Variants in UMAD1 observed in about 807,000 individuals in gnomAD.
UMAD1 encodes UBAP1-MVB12-associated (UMA)-domain containing protein 1.
UMAD1 carries 8 observed loss-of-function variants against 6.1 expected under a neutral mutation model. The observed-to-expected ratio is 1.30, with a 90% CI of 0.76 to 2.35. The LOEUF is 2.35. Ranked by LOEUF, UMAD1 falls within the 30% of genes most tolerant of loss-of-function variation. UMAD1 has a pLI of 0.00. For synonymous variants in UMAD1, 56 were observed against 31.4 expected (o/e 1.78, Z -2.61); for missense variants, 130 against 78.4 (o/e 1.66, Z -2.49).
Position 7,676,055 on chromosome 7 carries a change from G to A in UMAD1, c.82+2602G>A, listed in dbSNP as rs1779730253. ...TCATGTCTCAGCTCTTACTTCCTCT[G>A]TCTTCGTTCTCTTTTCATCATTCAT... is the stretch of plus-strand genomic sequence containing the variant. On this transcript the variant is annotated intron_variant, in intron 2 of 3. Coordinates refer to ENST00000682710, the MANE Select transcript of UMAD1 (RefSeq NM_001302348.2). 1.5e-5 allele frequency: 6 copies of A among 398,446 alleles called. 1 individual carries two copies. The South Asian group carries it at 7.7e-4, about 51-fold the overall frequency. The allele number at this position is 398,446 out of a possible 1,614,324, so 24.7% of individuals were successfully genotyped here.
chr7:7,837,688 G>A (rs6969824), intron 3 of UMAD1, among the ~76,000 whole-genome samples: 85,003 of 151,544 alleles, frequency 0.56, 24,956 homozygotes, highest in African/African-American at 0.73. Flanking sequence ...AAAGGGAGAC[G>A]AAGCATAACA....
At chr7:7,648,680 A>G (rs1785151917) in intron 1 of UMAD1, among the ~76,000 whole-genome samples, 1 of 151,434 alleles carries the variant, frequency 6.6e-6, no homozygotes. Flanking sequence ...GTGAAAGCCC[A>G]TCTCTACAAA....
At chr7:7,844,746 C>T (rs531655245) in intron 3 of UMAD1, among the ~76,000 whole-genome samples, 1 of 152,260 alleles carries the variant, frequency 6.6e-6, no homozygotes, top group Admixed American at 6.5e-5. Flanking sequence ...CCACAGGTTT[C>T]TCATCCCTAC....
At chr7:7,777,781 G>A (rs1782248828) in intron 2 of UMAD1, among the ~76,000 whole-genome samples, 1 of 151,910 alleles carries the variant, frequency 6.6e-6, no homozygotes, top group African/African-American at 2.4e-5. Context: ...TTGTAAAAGG[G>A]AGTGGGGAAC....
intron 2 of UMAD1, among the ~76,000 whole-genome samples, chr7:7,729,146 A>T (rs748679175): frequency 6.6e-6 from 1 of 152,196 alleles, no homozygotes; most frequent in Non-Finnish European, 1.5e-5. Context: ...GGGAACAGCA[A>T]TGTTTAATGG....
chr7:7,878,335 C>T lies in UMAD1; in HGVS notation c.*797C>T, dbSNP rs1784463093. 1 of 152,198 alleles carries T rather than the reference C, an allele frequency of 6.6e-6. No individual in the cohort carries two copies. The highest frequency in any genetic ancestry group is 2.1e-4 in the South Asian group (1 of 4,824). 9.4% of individuals were successfully genotyped at this position (152,198 alleles called of 1,614,324 possible). On this transcript the variant is annotated 3_prime_UTR_variant, in exon 4 of 4. Coordinates refer to ENST00000682710, the MANE Select transcript of UMAD1 (RefSeq NM_001302348.2). ...AAGAGATCCACATTTCCTTTCAACC[C>T]CTCTGCCTCCTGAAGAAAAACATCT...
chr7:7,717,835 T>C (rs1410788090), intron 2 of UMAD1, among the ~76,000 whole-genome samples: 1 of 152,230 alleles, frequency 6.6e-6, no homozygotes, highest in Non-Finnish European at 1.5e-5. Context: ...TCACCTTTTA[T>C]GCTTAAGTTT....
rs958257197 is a variant in UMAD1 at position 7,831,703 on chromosome 7, C to T, written c.156+29960C>T. Among the ~76,000 whole-genome samples the T allele has an allele frequency of 5.3e-5, 8 of 152,040 alleles. No individual in the cohort carries two copies. In the East Asian group the frequency reaches 7.7e-4, roughly 15 times the overall value. On this transcript the variant is annotated intron_variant, in intron 3 of 3. Coordinates refer to ENST00000682710, the MANE Select transcript of UMAD1 (RefSeq NM_001302348.2). ...CTTTGCTGTATTTCTTCATTGACACCGTTGGGATAATTGCCTTTCATACCT... is the reference window on the plus strand; with the variant it reads ...CTTTGCTGTATTTCTTCATTGACACTGTTGGGATAATTGCCTTTCATACCT...
chr7:7,676,993 TA>T (rs1197665437), intron 2 of UMAD1, among the ~76,000 whole-genome samples: 52 of 152,298 alleles, frequency 3.4e-4, no homozygotes, highest in African/African-American at 1.2e-3. Flanking sequence ...GCATACTGTA[TA>T]AAATATTCTG....
At chr7:7,675,766 G>A (rs1347882575) in intron 2 of UMAD1, among the ~76,000 whole-genome samples, 1 of 152,140 alleles carries the variant, frequency 6.6e-6, no homozygotes, top group Non-Finnish European at 1.5e-5. Context: ...AATCACTTCC[G>A]TCGTAGTTCC....
intron 2 of UMAD1, among the ~76,000 whole-genome samples, chr7:7,709,492 G>C (rs1780694233): frequency 1.3e-5 from 2 of 152,230 alleles, no homozygotes; most frequent in Admixed American, 1.3e-4. Context: ...AAGGAACTGT[G>C]TGGAGAGAAG....
chr7:7,645,335 A>G (rs1304853476), intron 1 of UMAD1, among the ~76,000 whole-genome samples: 22 of 152,228 alleles, frequency 1.4e-4, no homozygotes, highest in Admixed American at 1.4e-3. Flanking sequence ...GCTTATTCTC[A>G]CATGTGAAAG....
intron 1 of UMAD1, among the ~76,000 whole-genome samples, chr7:7,644,685 A>G (rs1254464582): frequency 6.6e-6 from 1 of 152,066 alleles, no homozygotes; most frequent in African/African-American, 2.4e-5. Flanking sequence ...TGTGGAGTCA[A>G]TTCTATTCTA....
chr7:7,733,289 T>G (rs1781292281), intron 2 of UMAD1, among the ~76,000 whole-genome samples: 1 of 152,114 alleles, frequency 6.6e-6, no homozygotes, highest in Admixed American at 6.6e-5. Context: ...CCACTAGGCT[T>G]TAAGTATGCC....
intron 2 of UMAD1, among the ~76,000 whole-genome samples, chr7:7,795,801 T>C (rs933609197): frequency 6.6e-6 from 1 of 152,162 alleles, no homozygotes. Flanking sequence ...ATAATGAACA[T>C]TGAGGATGAC....
intron 2 of UMAD1, among the ~76,000 whole-genome samples, chr7:7,697,277 A>C (rs191503547): frequency 2.0e-4 from 30 of 152,316 alleles, no homozygotes; most frequent in African/African-American, 7.0e-4. Flanking sequence ...TCTTCTATCT[A>C]ATTATTTTCC....
At chr7:7,873,365 T>C (rs913796678) in intron 3 of UMAD1, among the ~76,000 whole-genome samples, 1 of 152,178 alleles carries the variant, frequency 6.6e-6, no homozygotes, top group Non-Finnish European at 1.5e-5. Flanking sequence ...AGTTTTTCTA[T>C]ATAAACCAGT....
rs959722487 is a variant in UMAD1 at position 7,673,513 on chromosome 7, T to C, written c.82+60T>C. ...ATTATGTTCTCTTTAAAAAATTACT[T>C]GAAAATTATATGATTGATTTTAAAT... On this transcript the variant is annotated intron_variant, in intron 2 of 3. Coordinates refer to ENST00000682710, the MANE Select transcript of UMAD1 (RefSeq NM_001302348.2). The C allele has an allele frequency of 7.4e-6, 5 of 672,078 alleles. No individual in the cohort carries two copies. In the African/African-American group the frequency reaches 9.0e-5, roughly 12 times the overall value. The allele number at this position is 672,078 out of a possible 1,614,324, so 41.6% of individuals were successfully genotyped here. A position where few individuals can be genotyped will look rare whatever the true frequency, so the allele number is the denominator to read the frequency against.
intron 3 of UMAD1, among the ~76,000 whole-genome samples, chr7:7,847,105 ATATATATAT>A (rs1238682511): frequency 1.5e-3 from 7 of 4,540 alleles, no homozygotes; most frequent in African/African-American, 3.5e-3. Context: ...AAAAAAAAAA[ATATATATAT>A]ATATATATAT....
Sources: allele counts gnomAD v4.1 joint callset (sites outside exome capture counted in the v4.1 genomes callset), GRCh38; gene constraint gnomAD v4.1.1; transcripts MANE v1.5; gene names NCBI Gene and HGNC (gene_info 2026-07-23, HGNC 2026-07-21).